The following DYM variants were observed in gnomAD, a reference collection of about 807,000 sequenced individuals.
The protein encoded by DYM is dymeclin.
A neutral mutation model predicts 93.1 loss-of-function variants in DYM; 78 were observed. The ratio of observed to expected loss-of-function variants is 0.84; its 90% confidence interval spans 0.70 to 1.01. DYM has a LOEUF of 1.01. Ranked by LOEUF, DYM falls within the 50% of genes least tolerant of loss-of-function variation. The pLI is 0.00. For missense variants in DYM, 789 were observed against 845.0 expected (o/e 0.93, Z 0.82); for synonymous variants, 321 against 319.7 (o/e 1.00, Z -0.04).
At chr18:49,178,900 T>C (rs1288328543) in intron 14 of DYM, among the ~76,000 whole-genome samples, 1 of 152,054 alleles carries the variant, frequency 6.6e-6, no homozygotes, top group Non-Finnish European at 1.5e-5. Context: ...TGTTTAACCA[T>C]GTAACCCCCC....
Position 49,441,309 on chromosome 18 carries a change from T to TATA in DYM, c.-53-10863_-53-10862insTAT, listed in dbSNP as rs1399803884. Reference sequence around the variant, plus strand: ...TTATATATAATATAATTATATATAATTAATATATAATTATATATAATATAA... The same window carrying TATA: ...TTATATATAATATAATTATATATAATATATAATATATAATTATATATAATATAA... On this transcript the variant is annotated intron_variant, in intron 1 of 17. Transcript: ENST00000675505. Among the ~76,000 whole-genome samples, 9 of 30,730 alleles carry TATA rather than the reference T, an allele frequency of 2.9e-4. No individual in the cohort carries two copies. In the South Asian group the frequency reaches 5.3e-3, roughly 18 times the overall value. The allele number at this position is 30,730 out of a possible 152,430, so 20.2% of individuals were successfully genotyped here.
intron 17 of DYM, among the ~76,000 whole-genome samples, chr18:49,046,725 C>A (rs2071638386): frequency 6.6e-6 from 1 of 152,092 alleles, no homozygotes. Context: ...CCTAGCAAGA[C>A]CCTATCTTTA....
rs147460002 is a variant in DYM at position 49,378,642 on chromosome 18, C to A, written c.346G>T (p.Val116Leu). 112 of 1,613,374 alleles carry A rather than the reference C, an allele frequency of 6.9e-5. 1 individual carries two copies. Among genetic ancestry groups the A allele is most frequent in the South Asian group, 4.2e-4 (38 of 91,062 alleles). The change falls in exon 5 of 18, where the codon GTG becomes TTG. Residue 116 changes from valine to leucine, a missense_variant. Val to Leu is a conservative substitution (Grantham distance 32, BLOSUM62 1). Coordinates refer to ENST00000675505, the MANE Select transcript of DYM (RefSeq NM_001353214.3). ...TCCTCTGACATCTGACAGATGAACA[C>A]TTTCAGCAAACAGCAAATAATAAAC... Reference protein sequence around the residue: ...ALFIICCLLKVFICQMSEEEL... With the variant: ...ALFIICCLLKLFICQMSEEEL...
rs2076368710 is a variant in DYM at position 49,066,127 on chromosome 18, TTTGCCATATAGC to T, written c.2026-21935_2026-21924del. 3.0e-4 allele frequency among the ~76,000 whole-genome samples: 45 copies of T among 151,920 alleles called. 1 individual carries two copies. The highest frequency in any genetic ancestry group is 2.9e-3 in the Admixed American group (45 of 15,284). ...GGTTGGTGCAAAAGTAATCGCGTTT[TTTGCCATATAGC>T]AAAAACCACGATTACTTTTGCACCA... On this transcript the variant is annotated intron_variant, in intron 17 of 17. Coordinates refer to ENST00000675505, the MANE Select transcript of DYM (RefSeq NM_001353214.3).
chr18:49,318,784 A>G (rs1435750143), intron 8 of DYM, among the ~76,000 whole-genome samples: 1 of 149,258 alleles, frequency 6.7e-6, no homozygotes, highest in East Asian at 2.0e-4. Flanking sequence ...AACAGGTAAC[A>G]TTATTTCTTT....
chr18:49,417,082 G>A (rs1393773882), intron 2 of DYM, among the ~76,000 whole-genome samples: 5 of 152,174 alleles, frequency 3.3e-5, no homozygotes, highest in Non-Finnish European at 7.4e-5. Flanking sequence ...GAAGTCATCT[G>A]GCCACGTTTC....
chr18:49,212,429 T>C (rs1236267249), intron 13 of DYM, among the ~76,000 whole-genome samples: 1 of 152,024 alleles, frequency 6.6e-6, no homozygotes, highest in African/African-American at 2.4e-5. Flanking sequence ...GTAAAGCAAA[T>C]GTGGTAAAAT....
chr18:49,332,658 G>A (rs967857815), intron 7 of DYM, among the ~76,000 whole-genome samples: 2 of 152,042 alleles, frequency 1.3e-5, no homozygotes, highest in Non-Finnish European at 2.9e-5. Flanking sequence ...ATGTACTATT[G>A]AGCTTTTTAA....
At chr18:49,394,159 A>AT (rs2069747426) in intron 2 of DYM, among the ~76,000 whole-genome samples, 1 of 152,192 alleles carries the variant, frequency 6.6e-6, no homozygotes, top group Non-Finnish European at 1.5e-5. Flanking sequence ...TTTCACCACA[A>AT]TTTTTTTAAG....
At chr18:49,234,268 A>T (rs540671840) in intron 13 of DYM, among the ~76,000 whole-genome samples, 1 of 152,288 alleles carries the variant, frequency 6.6e-6, no homozygotes, top group South Asian at 2.1e-4. Context: ...CAGCCTGGAC[A>T]ACATGGCAAA....
At chr18:49,347,685 C>T (rs954605618) in intron 6 of DYM, among the ~76,000 whole-genome samples, 8 of 152,104 alleles carry the variant, frequency 5.3e-5, no homozygotes, top group African/African-American at 1.7e-4. Flanking sequence ...AATTCAAAAG[C>T]AATGTTACAT....
At chr18:49,100,713 G>A (rs901948277) in intron 16 of DYM, among the ~76,000 whole-genome samples, 1 of 152,176 alleles carries the variant, frequency 6.6e-6, no homozygotes, top group Non-Finnish European at 1.5e-5. Context: ...TGGACTGTGT[G>A]CTGTACATAT....
intron 13 of DYM, among the ~76,000 whole-genome samples, chr18:49,249,604 C>T (rs1007100421): frequency 6.6e-6 from 1 of 151,674 alleles, no homozygotes; most frequent in African/African-American, 2.4e-5. Context: ...TCTAAAAGAT[C>T]TTATTTGCCC....
At chr18:49,432,116 T>TAA (rs2080373435) in intron 1 of DYM, among the ~76,000 whole-genome samples, 1 of 152,154 alleles carries the variant, frequency 6.6e-6, no homozygotes, top group Non-Finnish European at 1.5e-5. Flanking sequence ...CTCACGCCTG[T>TAA]AATCCCAGCA....
chr18:49,404,905 C>T (rs1395950863), intron 2 of DYM, among the ~76,000 whole-genome samples: 3 of 150,744 alleles, frequency 2.0e-5, no homozygotes, highest in Non-Finnish European at 4.4e-5. Flanking sequence ...CCCAGCTACT[C>T]GGGAGGCTGA....
intron 11 of DYM, among the ~76,000 whole-genome samples, chr18:49,264,306 G>A (rs1373401961): frequency 2.6e-5 from 4 of 151,752 alleles, no homozygotes; most frequent in East Asian, 3.9e-4. Context: ...TCCCTAAAAC[G>A]TAAACCCTGA....
chr18:49,353,614 A>T (rs1340613651), intron 6 of DYM, among the ~76,000 whole-genome samples: 1 of 152,060 alleles, frequency 6.6e-6, no homozygotes, highest in African/African-American at 2.4e-5. Context: ...AAGTAGAAGG[A>T]GATAATCATC....
chr18:49,345,661 T>C (rs1055693276), intron 6 of DYM, among the ~76,000 whole-genome samples: 1 of 151,996 alleles, frequency 6.6e-6, no homozygotes, highest in Non-Finnish European at 1.5e-5. Context: ...AGATGAGGTT[T>C]GAAAAGGTAA....
intron 8 of DYM, among the ~76,000 whole-genome samples, chr18:49,309,182 A>T (rs2061443890): frequency 6.6e-6 from 1 of 152,250 alleles, no homozygotes; most frequent in Non-Finnish European, 1.5e-5. Flanking sequence ...AGATATGAAA[A>T]GAACAGAAAA....
Sources: allele counts gnomAD v4.1 joint callset (sites outside exome capture counted in the v4.1 genomes callset), GRCh38; gene constraint gnomAD v4.1.1; transcripts MANE v1.5; gene names NCBI Gene and HGNC (gene_info 2026-07-23, HGNC 2026-07-21).